MED15: variants seen among roughly 807,000 people sequenced by gnomAD.
MED15 encodes the protein mediator of RNA polymerase II transcription subunit 15.
In MED15, 41 loss-of-function variants were observed where a neutral mutation model predicts 118.7. That is an observed-to-expected ratio of 0.35 (90% confidence interval 0.27 to 0.45). The LOEUF (loss-of-function observed/expected upper bound fraction) is 0.45. Among genes scored for constraint, MED15 ranks in the 20% least tolerant of loss-of-function variants. The pLI is 1.00. For missense variants in MED15, 740 were observed against 1,025.5 expected, an observed-to-expected ratio of 0.72 and a Z score of 3.80; for synonymous variants, 436 against 413.9, an observed-to-expected ratio of 1.05 and a Z score of -0.65.
chr22:20,562,071 C>T (rs761531274), intron 5 of MED15, among the ~76,000 whole-genome samples: 1 of 151,944 alleles, frequency 6.6e-6, no homozygotes, highest in Non-Finnish European at 1.5e-5. Context: ...GTGAGAGGAT[C>T]GCTTGCTTGA....
intron 4 of MED15, among the ~76,000 whole-genome samples, chr22:20,553,896 T>A (rs887829145): frequency 3.9e-5 from 6 of 152,200 alleles, no homozygotes; most frequent in African/African-American, 1.4e-4. Context: ...AAATCCATAT[T>A]TTTAAATTTC....
At chr22:20,571,178 G>T (rs9612354) in intron 8 of MED15, among the ~76,000 whole-genome samples, 1 of 152,266 alleles carries the variant, frequency 6.6e-6, no homozygotes, top group African/African-American at 2.4e-5. Context: ...GCTCAAGGAA[G>T]TGTCCACTCT....
At chr22:20,523,268 C>T (rs2054524465) in intron 1 of MED15, among the ~76,000 whole-genome samples, 2 of 152,102 alleles carry the variant, frequency 1.3e-5, no homozygotes, top group Admixed American at 6.6e-5. Context: ...TGGCTGGGAC[C>T]TGCATGCTCA....
chr22:20,560,396 C>T (rs2056187043), intron 5 of MED15, among the ~76,000 whole-genome samples: 1 of 152,130 alleles, frequency 6.6e-6, no homozygotes, highest in African/African-American at 2.4e-5. Context: ...TCCCAAGTAG[C>T]TGGGACTACA....
chr22:20,512,265 G>C (rs1269307025), intron 1 of MED15, among the ~76,000 whole-genome samples: 3 of 152,054 alleles, frequency 2.0e-5, no homozygotes, highest in African/African-American at 7.2e-5. Context: ...TGGGATTACA[G>C]ATGTGAGCTA....
At chr22:20,548,547 C>T in intron 2 of MED15, among the ~76,000 whole-genome samples, 1 of 152,180 alleles carries the variant, frequency 6.6e-6, no homozygotes, top group South Asian at 2.1e-4. Flanking sequence ...TTAGAGAGGG[C>T]ACATTTCCAG....
intron 8 of MED15, among the ~76,000 whole-genome samples, chr22:20,572,385 T>G (rs2056692714): frequency 6.6e-6 from 1 of 152,238 alleles, no homozygotes; most frequent in Non-Finnish European, 1.5e-5. Flanking sequence ...CAGGCAGCCC[T>G]CCATGCCCTG....
intron 1 of MED15, among the ~76,000 whole-genome samples, chr22:20,512,077 C>T (rs2054090572): frequency 6.7e-6 from 1 of 150,296 alleles, no homozygotes; most frequent in South Asian, 2.1e-4. Context: ...CAGCCTTGAC[C>T]TCCCAGGGTC....
chr22:20,528,145 A>G (rs368247739), intron 1 of MED15, among the ~76,000 whole-genome samples: 2 of 152,074 alleles, frequency 1.3e-5, no homozygotes, highest in African/African-American at 4.8e-5. Flanking sequence ...TGGCCATGTT[A>G]TGGCGTCTGG....
At chr22:20,577,663 G>C (rs746652346) in intron 9 of MED15, among the ~76,000 whole-genome samples, 3 of 151,886 alleles carry the variant, frequency 2.0e-5, no homozygotes, top group African/African-American at 7.3e-5. Flanking sequence ...TGCACTGTGT[G>C]GGGTGAGAGC....
At chr22:20,562,262 C>T (rs2056271643) in intron 5 of MED15, among the ~76,000 whole-genome samples, 2 of 152,112 alleles carry the variant, frequency 1.3e-5, no homozygotes, top group African/African-American at 2.4e-5. Context: ...AATTCATTTA[C>T]AGAAAATTTG....
At chr22:20,556,811 GTC>G (rs1452456086) in intron 5 of MED15, among the ~76,000 whole-genome samples, 1 of 152,162 alleles carries the variant, frequency 6.6e-6, no homozygotes, top group African/African-American at 2.4e-5. Flanking sequence ...TCTGTTGTGT[GTC>G]TCTGTAGTTC....
At chr22:20,535,304 T>A (rs962543528) in intron 1 of MED15, among the ~76,000 whole-genome samples, 2 of 152,176 alleles carry the variant, frequency 1.3e-5, no homozygotes, top group African/African-American at 4.8e-5. Flanking sequence ...AATGTCATTT[T>A]GTTTTTCTTT....
chr22:20,566,798 C>T lies in MED15; in HGVS notation c.1022C>T (p.Thr341Ile), dbSNP rs1296673816. ...AQALPGQMLY[T>I]QPPLKFVRAP... is the part of the protein sequence containing the mutation. ...GCTCTCCCTGGACAAATGTTGTATA[C>T]CCAACCACCACTGAAATTTGTGAGT... Residue 341 changes from threonine (T) to isoleucine (I), a missense_variant, in exon 7 of 18, where the codon ACC becomes ATC. By Grantham distance (89) the Thr-to-Ile change is moderately conservative. This residue lies in a region of MED15 where 384 missense variants were observed against 506.3 expected (regional missense o/e 0.76). Transcript: ENST00000263205. 1.2e-6 allele frequency: 2 copies of T among 1,613,684 alleles called. No homozygotes were observed. Among genetic ancestry groups the T allele is most frequent in the East Asian group, 2.2e-5 (1 of 44,898 alleles).
At chr22:20,561,610 C>A (rs182355241) in intron 5 of MED15, among the ~76,000 whole-genome samples, 2 of 152,064 alleles carry the variant, frequency 1.3e-5, no homozygotes, top group African/African-American at 4.8e-5. Context: ...CTAAACTTTT[C>A]TGCTGAAAGA....
At chr22:20,568,219 C>T (rs143804930) in intron 7 of MED15, among the ~76,000 whole-genome samples, 1 of 152,124 alleles carries the variant, frequency 6.6e-6, no homozygotes, top group Non-Finnish European at 1.5e-5. Context: ...GCATGCTTGG[C>T]CCAGAGGATG....
chr22:20,559,991 G>A (rs1158394254), intron 5 of MED15, among the ~76,000 whole-genome samples: 1 of 152,138 alleles, frequency 6.6e-6, no homozygotes, highest in African/African-American at 2.4e-5. Flanking sequence ...TTCCACCACA[G>A]GGGATATTTG....
chr22:20,531,605 G>T (rs571533793), intron 1 of MED15, among the ~76,000 whole-genome samples: 1 of 152,358 alleles, frequency 6.6e-6, no homozygotes, highest in Non-Finnish European at 1.5e-5. Flanking sequence ...TTGAGGCCTG[G>T]ATTCCCCCAT....
At chr22:20,560,437 G>C (rs1158408866) in intron 5 of MED15, among the ~76,000 whole-genome samples, 1 of 152,128 alleles carries the variant, frequency 6.6e-6, no homozygotes, top group Non-Finnish European at 1.5e-5. Context: ...GCTAATTTTT[G>C]TATCTTTAGT....
Sources: allele counts gnomAD v4.1 joint callset (sites outside exome capture counted in the v4.1 genomes callset), GRCh38; gene constraint gnomAD v4.1.1; regional missense constraint gnomAD v4.1.1; transcripts MANE v1.5; gene names NCBI Gene and HGNC (gene_info 2026-07-23, HGNC 2026-07-21).